BTBD10: variants seen among roughly 807,000 people sequenced by gnomAD.
BTBD10 encodes BTB/POZ domain-containing protein 10.
A neutral mutation model predicts 53.2 loss-of-function variants in BTBD10; 21 were observed. That is an observed-to-expected ratio of 0.39 (90% CI 0.28 to 0.57). The LOEUF (loss-of-function observed/expected upper bound fraction) is 0.57, where lower values mean the gene tolerates loss of function less well. BTBD10 is among the 20% of genes least tolerant of loss of function. The pLI is 0.53. For synonymous variants in BTBD10, 149 were observed against 192.7 expected (o/e 0.77, Z 1.88); for missense variants, 360 against 594.7 (o/e 0.61, Z 4.10).
intron 2 of BTBD10, among the ~76,000 whole-genome samples, chr11:13,426,721 A>G (rs1013962410): frequency 6.6e-6 from 1 of 152,250 alleles, no homozygotes; most frequent in African/African-American, 2.4e-5. Context: ...CAAAAGAAAT[A>G]CAGTTAATAT....
chr11:13,395,389 T>C (rs1463714292), intron 8 of BTBD10, among the ~76,000 whole-genome samples: 2 of 152,132 alleles, frequency 1.3e-5, no homozygotes, highest in Non-Finnish European at 2.9e-5. Flanking sequence ...TTGATGGGGT[T>C]GTTTTTTTCT....
At chr11:13,451,554 A>T (rs1318251525) in intron 1 of BTBD10, among the ~76,000 whole-genome samples, 1 of 152,216 alleles carries the variant, frequency 6.6e-6, no homozygotes, top group African/African-American at 2.4e-5. Flanking sequence ...GGAAGAAGTA[A>T]GAAATAAGCA....
Position 13,463,217 on chromosome 11 carries a change from G to T in BTBD10, c.-183C>A, listed in dbSNP as rs909082692. 2.6e-5 allele frequency: 4 copies of T among 152,152 alleles called. No homozygotes were observed. Among genetic ancestry groups the T allele is most frequent in the African/African-American group, 9.7e-5 (4 of 41,420 alleles). The allele number at this position is 152,152 out of a possible 1,614,324, so 9.4% of individuals were successfully genotyped here. ...TGGCTGTGGAGGAAGCCACTGAGGC[G>T]GCTGCGCGTAGCGGAGCCGCCCCGG... On this transcript the variant is annotated 5_prime_UTR_variant, in exon 1 of 9. Transcript: ENST00000278174.
intron 2 of BTBD10, among the ~76,000 whole-genome samples, chr11:13,424,351 T>C (rs1375022747): frequency 6.6e-6 from 1 of 152,228 alleles, no homozygotes; most frequent in Non-Finnish European, 1.5e-5. Context: ...TGCTAAAACA[T>C]TGGCTTCATC....
At chr11:13,437,518 T>C (rs1950565964) in intron 2 of BTBD10, among the ~76,000 whole-genome samples, 1 of 152,176 alleles carries the variant, frequency 6.6e-6, no homozygotes, top group South Asian at 2.1e-4. Flanking sequence ...GATGGGATCA[T>C]TTAAAGTCAG....
chr11:13,396,476 T>C (rs551176115), intron 8 of BTBD10, among the ~76,000 whole-genome samples: 1 of 152,344 alleles, frequency 6.6e-6, no homozygotes, highest in African/African-American at 2.4e-5. Flanking sequence ...TACAATCATG[T>C]CATCTGCAAA....
intron 8 of BTBD10, among the ~76,000 whole-genome samples, chr11:13,395,002 T>C (rs1490581252): frequency 1.3e-5 from 2 of 151,038 alleles, no homozygotes; most frequent in African/African-American, 2.4e-5. Flanking sequence ...GCAATAAACA[T>C]ACGTGTGCAT....
intron 2 of BTBD10, among the ~76,000 whole-genome samples, chr11:13,427,114 G>A (rs1486476080): frequency 6.6e-6 from 1 of 152,118 alleles, no homozygotes; most frequent in South Asian, 2.1e-4. Context: ...CTACTCAGGA[G>A]GCTGAGGTGG....
At chr11:13,419,389 C>T in intron 4 of BTBD10, 71 bp downstream of exon 4, 1 of 1,551,240 alleles carries the variant, frequency 6.4e-7, no homozygotes, top group Non-Finnish European at 8.7e-7. Flanking sequence ...TACTGTAAAA[C>T]TTAAACAAAA....
intron 2 of BTBD10, among the ~76,000 whole-genome samples, chr11:13,429,098 AG>A (rs1950400386): frequency 1.3e-5 from 2 of 152,292 alleles, no homozygotes; most frequent in African/African-American, 4.8e-5. Flanking sequence ...TGAAATACTT[AG>A]GGATAAATAT....
chr11:13,390,549 G>A (rs1949381129), intron 8 of BTBD10, among the ~76,000 whole-genome samples: 1 of 152,014 alleles, frequency 6.6e-6, no homozygotes, highest in Admixed American at 6.6e-5. Flanking sequence ...TCACCATGTT[G>A]GCCAGGATGA....
intron 8 of BTBD10, among the ~76,000 whole-genome samples, chr11:13,402,326 T>C (rs1479616917): frequency 2.0e-5 from 3 of 152,204 alleles, no homozygotes; most frequent in Admixed American, 6.5e-5. Flanking sequence ...ACTGCAAACT[T>C]ACTATGTACT....
At chr11:13,441,428 A>T (rs1213071780) in intron 2 of BTBD10, among the ~76,000 whole-genome samples, 1 of 152,142 alleles carries the variant, frequency 6.6e-6, no homozygotes, top group African/African-American at 2.4e-5. Flanking sequence ...GCCAATTTTT[A>T]AAATTTTTTA....
At chr11:13,462,203 TG>T (rs533943683) in intron 1 of BTBD10, among the ~76,000 whole-genome samples, 1 of 151,384 alleles carries the variant, frequency 6.6e-6, no homozygotes, top group South Asian at 2.1e-4. Context: ...TTTGTGTAGT[TG>T]GGGGGTTGGG....
At chr11:13,425,139 G>C (rs1009333143) in intron 2 of BTBD10, among the ~76,000 whole-genome samples, 2 of 152,164 alleles carry the variant, frequency 1.3e-5, no homozygotes, top group Non-Finnish European at 2.9e-5. Context: ...AGAGGAAATA[G>C]TGCCCAGCAC....
chr11:13,419,021 T>C (rs1271896570), intron 4 of BTBD10, among the ~76,000 whole-genome samples: 1 of 147,936 alleles, frequency 6.8e-6, no homozygotes, highest in Non-Finnish European at 1.5e-5. Flanking sequence ...TGACAATTCA[T>C]GCTGACTTTA....
In BTBD10 at chr11:13,406,512, C is replaced by G. The variant is rs562120526; in HGVS notation, c.809-656G>C. ...TCAAGAACTACTGCTACTGCATCAG[C>G]CTGGAGAGCGAAGTTAAAGAAGCAA... On this transcript the variant is annotated intron_variant, in intron 6 of 8. Coordinates refer to ENST00000278174, the MANE Select transcript of BTBD10 (RefSeq NM_032320.7). 1.4e-3 allele frequency among the ~76,000 whole-genome samples: 210 copies of G among 151,724 alleles called. 1 individual carries two copies. Among genetic ancestry groups the G allele is most frequent in the African/African-American group, 4.8e-3 (200 of 41,314 alleles).
chr11:13,426,786 G>A (rs759045409), intron 2 of BTBD10, among the ~76,000 whole-genome samples: 2 of 151,884 alleles, frequency 1.3e-5, no homozygotes, highest in East Asian at 3.8e-4. Flanking sequence ...AATCCAAGAA[G>A]GCAAAGGAAA....
At chr11:13,403,857 A>C (rs559227567) in intron 7 of BTBD10, among the ~76,000 whole-genome samples, 1 of 152,318 alleles carries the variant, frequency 6.6e-6, no homozygotes, top group South Asian at 2.1e-4. Context: ...AGTTCTGCCT[A>C]GGTTAGTCTG....
Sources: allele counts gnomAD v4.1 joint callset (sites outside exome capture counted in the v4.1 genomes callset), GRCh38; gene constraint gnomAD v4.1.1; transcripts MANE v1.5; gene names NCBI Gene and HGNC (gene_info 2026-07-23, HGNC 2026-07-21).